The following SPPL2A variants were observed in gnomAD, a reference collection of about 807,000 sequenced individuals.
The protein encoded by SPPL2A is signal peptide peptidase like 2A, also known as signal peptide peptidase-like 2A.
SPPL2A carries 51 observed loss-of-function variants against 63.8 expected under a neutral mutation model. The ratio of observed to expected loss-of-function variants is 0.80; its 90% CI spans 0.64 to 1.01. The LOEUF is 1.01. Ranked by LOEUF, SPPL2A falls within the 50% of genes least tolerant of loss-of-function variation. SPPL2A has a pLI of 0.00. For synonymous variants in SPPL2A, 188 were observed against 205.8 expected (o/e 0.91, Z 0.74); for missense variants, 553 against 622.7 (o/e 0.89, Z 1.19).
Position 50,710,951 on chromosome 15 carries a change from C to T in SPPL2A, c.1489-3077G>A, listed in dbSNP as rs28670009. 8.3e-3 allele frequency among the ~76,000 whole-genome samples: 1,265 copies of T among 152,156 alleles called. 29 individuals are homozygous for T. The highest frequency in any genetic ancestry group is 0.029 in the African/African-American group (1,214 of 41,500). On this transcript the variant is annotated intron_variant, in intron 14 of 14. Coordinates refer to ENST00000261854, the MANE Select transcript of SPPL2A (RefSeq NM_032802.4). ...TTCATTACAGAAGCAAAAAATATCC[C>T]CTAAAATGATGACTCCTTTTCATTG...
chr15:50,712,938 C>T (rs1001292452), intron 14 of SPPL2A, among the ~76,000 whole-genome samples: 3 of 152,086 alleles, frequency 2.0e-5, no homozygotes, highest in African/African-American at 7.2e-5. Context: ...CCCGCCTTGG[C>T]CTCCCAAAGT....
chr15:50,757,039 C>T (rs898375951), intron 1 of SPPL2A, among the ~76,000 whole-genome samples: 7 of 151,674 alleles, frequency 4.6e-5, no homozygotes, highest in Non-Finnish European at 1.0e-4. Context: ...CCTACCGCTT[C>T]TCAAGTTCCT....
At position 50,715,691 on chromosome 15, in the gene SPPL2A, G is replaced by T. The variant is rs144737807; in HGVS notation, c.1488+4249C>A. The stretch of plus-strand genomic sequence containing the variant: ...TTGCTTATTTTAAAAACACAAATAT[G>T]CACTAATTTGTAATTAAGATACAAA... On this transcript the variant is annotated intron_variant, in intron 14 of 14. Coordinates refer to ENST00000261854, the MANE Select transcript of SPPL2A (RefSeq NM_032802.4). Among the ~76,000 whole-genome samples the T allele has an allele frequency of 2.0e-3, 304 of 152,078 alleles. 1 individual carries two copies. The highest frequency in any genetic ancestry group is 6.8e-3 in the African/African-American group (281 of 41,504).
intron 14 of SPPL2A, among the ~76,000 whole-genome samples, chr15:50,717,596 A>T (rs2062607485): frequency 6.6e-6 from 1 of 152,178 alleles, no homozygotes. Flanking sequence ...GTGGCTTATA[A>T]GATGCTACAT....
intron 1 of SPPL2A, among the ~76,000 whole-genome samples, chr15:50,760,385 C>G (rs962130532): frequency 1.3e-5 from 2 of 152,166 alleles, no homozygotes; most frequent in Non-Finnish European, 2.9e-5. Flanking sequence ...CTCAGCCTCC[C>G]ATGTAGCTGG....
At chr15:50,750,415 A>G (rs2062896491) in intron 1 of SPPL2A, among the ~76,000 whole-genome samples, 3 of 152,162 alleles carry the variant, frequency 2.0e-5, no homozygotes, top group South Asian at 4.1e-4. Flanking sequence ...TGTACTCAAA[A>G]TCCATCAATC....
intron 10 of SPPL2A, among the ~76,000 whole-genome samples, chr15:50,730,145 C>A (rs1456145645): frequency 2.0e-5 from 3 of 152,080 alleles, no homozygotes; most frequent in Non-Finnish European, 4.4e-5. Flanking sequence ...ATATTATATT[C>A]ATGAGACAGG....
At chr15:50,760,258 CT>C (rs10717809) in intron 1 of SPPL2A, among the ~76,000 whole-genome samples, 61,266 of 147,498 alleles carry the variant, frequency 0.42, 13,038 homozygotes, top group East Asian at 0.58. Flanking sequence ...TCTCTGATGT[CT>C]TTTTTTTTTT....
rs892410300 is a variant in SPPL2A, at chr15:50,736,018, C to G, written c.932+83G>C. The G allele has an allele frequency of 1.8e-5, 16 of 878,476 alleles. No individual in the cohort carries two copies. The Admixed American group carries it at 3.5e-4, about 19-fold the overall frequency. 54.4% of individuals were successfully genotyped at this position (878,476 alleles called of 1,614,324 possible). ...GTTCTGGCATAGAAGCAAAAAAATTCCATAATAATCATAATAAGTATCAGG... is the reference window on the plus strand; with the variant it reads ...GTTCTGGCATAGAAGCAAAAAAATTGCATAATAATCATAATAAGTATCAGG... On this transcript the variant is annotated intron_variant, in intron 8 of 14. Coordinates refer to ENST00000261854, the MANE Select transcript of SPPL2A (RefSeq NM_032802.4).
intron 1 of SPPL2A, among the ~76,000 whole-genome samples, chr15:50,753,446 G>T (rs759076896): frequency 6.6e-6 from 1 of 152,126 alleles, no homozygotes; most frequent in Non-Finnish European, 1.5e-5. Context: ...CAATAGATAT[G>T]GTAGAAAGGT....
intron 1 of SPPL2A, among the ~76,000 whole-genome samples, chr15:50,754,034 C>T (rs559344628): frequency 1.3e-5 from 2 of 152,274 alleles, no homozygotes; most frequent in South Asian, 2.1e-4. Context: ...TGACCTCAGA[C>T]GATCCGCCCG....
At chr15:50,733,464 A>G (rs72742311) in intron 8 of SPPL2A, among the ~76,000 whole-genome samples, 5,245 of 152,238 alleles carry the variant, frequency 0.034, 114 homozygotes, top group Middle Eastern at 0.1. Flanking sequence ...CATACTCTAT[A>G]TATTTTTTTG....
chr15:50,761,295 A>G (rs940960830), intron 1 of SPPL2A, among the ~76,000 whole-genome samples: 2 of 152,148 alleles, frequency 1.3e-5, no homozygotes, highest in African/African-American at 2.4e-5. Context: ...AAGACTCAGG[A>G]TTCTTCAAAG....
chr15:50,744,269 C>T (rs993054694), intron 5 of SPPL2A, among the ~76,000 whole-genome samples: 10 of 152,022 alleles, frequency 6.6e-5, no homozygotes, highest in Non-Finnish European at 1.5e-4. Context: ...TTGAAACATG[C>T]TTTCCAAATA....
intron 1 of SPPL2A, among the ~76,000 whole-genome samples, chr15:50,761,445 C>T (rs1371729001): frequency 2.0e-5 from 3 of 151,986 alleles, no homozygotes; most frequent in East Asian, 1.9e-4. Context: ...GAGAAACCCC[C>T]GTCTCTACTA....
chr15:50,722,026 C>T (rs2062651101), intron 13 of SPPL2A, 98 bp downstream of exon 13: 2 of 689,624 alleles, frequency 2.9e-6, no homozygotes, highest in Non-Finnish European at 5.1e-6. Flanking sequence ...GGGTGAACCA[C>T]CATGCCCAAA....
intron 11 of SPPL2A, chr15:50,725,939 G>A (rs966831892): frequency 1.2e-4 from 45 of 387,176 alleles, no homozygotes; most frequent in African/African-American, 8.8e-4. Flanking sequence ...ATAGAACTCA[G>A]GCCTTGAAAC....
At chr15:50,711,308 C>T (rs537198576) in intron 14 of SPPL2A, among the ~76,000 whole-genome samples, 6 of 149,906 alleles carry the variant, frequency 4.0e-5, no homozygotes, top group African/African-American at 1.5e-4. Context: ...CTCCCGGGTT[C>T]AAGCAATTCT....
rs1367981087 is a variant in SPPL2A, at chr15:50,705,768, G to C, written c.*2032C>G. ...TAAAAAGTCTCTAATGCAAAATTTA[G>C]TTCAAGTATCAAAGGTCTGATCAAT... On this transcript the variant is annotated 3_prime_UTR_variant, in exon 15 of 15. Coordinates refer to ENST00000261854, the MANE Select transcript of SPPL2A (RefSeq NM_032802.4). 6.6e-6 allele frequency: 1 copy of C among 152,162 alleles called. No individual in the cohort carries two copies. The highest frequency in any genetic ancestry group is 2.4e-5 in the African/African-American group (1 of 41,448). The allele number at this position is 152,162 out of a possible 1,614,324, so 9.4% of individuals were successfully genotyped here.
Sources: gnomAD v4.1 joint callset for allele counts (sites outside exome capture counted in the v4.1 genomes callset) on GRCh38, gnomAD v4.1.1 for gene constraint, MANE v1.5 for transcripts, NCBI Gene and HGNC (gene_info 2026-07-23, HGNC 2026-07-21) for gene names.